The following SLC44A5 variants were observed in gnomAD, a reference collection of about 807,000 sequenced individuals.
The protein encoded by SLC44A5 is solute carrier family 44 member 5.
Under a neutral mutation model 101.8 loss-of-function variants are expected in SLC44A5, and 57 were observed. The ratio of observed to expected loss-of-function variants is 0.56; its 90% confidence interval spans 0.45 to 0.70. SLC44A5 has a LOEUF of 0.70. SLC44A5 is among the 30% of genes least tolerant of loss of function. SLC44A5 has a pLI of 0.00. For synonymous variants in SLC44A5, 281 were observed against 290.9 expected (o/e 0.97, Z 0.35); for missense variants, 737 against 853.1 (o/e 0.86, Z 1.70).
At chr1:75,289,739 G>A (rs1653377339) in intron 5 of SLC44A5, among the ~76,000 whole-genome samples, 1 of 152,172 alleles carries the variant, frequency 6.6e-6, no homozygotes, top group Non-Finnish European at 1.5e-5. Flanking sequence ...CGGCTGTGGA[G>A]GATCTCTTAG....
chr1:75,277,246 T>C (rs1004490020), intron 5 of SLC44A5, among the ~76,000 whole-genome samples: 1 of 152,096 alleles, frequency 6.6e-6, no homozygotes, highest in African/African-American at 2.4e-5. Flanking sequence ...ATTGAGGAAA[T>C]AGTATAATAA....
At chr1:75,301,355 T>C (rs1156914131) in intron 4 of SLC44A5, among the ~76,000 whole-genome samples, 2 of 152,184 alleles carry the variant, frequency 1.3e-5, no homozygotes, top group Admixed American at 1.3e-4. Context: ...TACTCAAGGT[T>C]TTCAACTAAA....
chr1:75,583,912 GGCC>G (rs1673847318), intron 1 of SLC44A5, among the ~76,000 whole-genome samples: 1 of 152,112 alleles, frequency 6.6e-6, no homozygotes, highest in Admixed American at 6.5e-5. Context: ...TTGGTGGTCC[GGCC>G]AATTTTCAGT....
At chr1:75,368,642 T>C (rs1296493549) in intron 3 of SLC44A5, among the ~76,000 whole-genome samples, 1 of 130,756 alleles carries the variant, frequency 7.6e-6, no homozygotes, top group Non-Finnish European at 1.6e-5. Flanking sequence ...AAAATGTGCA[T>C]GCACACACAC....
chr1:75,213,908 T>A lies in SLC44A5; in HGVS notation c.1873+11A>T, dbSNP rs773244058. The A allele has an allele frequency of 1.3e-6, 2 of 1,561,862 alleles. No individual in the cohort carries two copies. Among genetic ancestry groups the A allele is most frequent in the East Asian group, 4.5e-5 (2 of 44,588 alleles). The stretch of plus-strand genomic sequence containing the variant: ...ACTTTTTTTTTTATTATTTTCATCA[T>A]GATTACTTACCTATACTTCCAGCAA... On this transcript the variant is annotated intron_variant, in intron 21 of 23. Transcript: ENST00000370859.
chr1:75,206,354 T>C (rs1393863548), intron 23 of SLC44A5: 1 of 365,582 alleles, frequency 2.7e-6, no homozygotes, highest in Non-Finnish European at 4.9e-6. Flanking sequence ...ATAAAAGTTA[T>C]TAAAACACTC....
chr1:75,326,780 G>C (rs1420035311), intron 4 of SLC44A5, among the ~76,000 whole-genome samples: 3 of 152,058 alleles, frequency 2.0e-5, no homozygotes, highest in Non-Finnish European at 4.4e-5. Context: ...TTAAATTATG[G>C]ATAATCCATA....
the SLC44A5 span, among the ~76,000 whole-genome samples, chr1:75,678,294 C>T: frequency 1.3e-5 from 2 of 152,154 alleles, no homozygotes; most frequent in Admixed American, 6.5e-5. Flanking sequence ...TCTGTAGGCT[C>T]CACCTCTGGG....
At chr1:75,270,225 A>T (rs1651355751) in intron 6 of SLC44A5, among the ~76,000 whole-genome samples, 1 of 152,138 alleles carries the variant, frequency 6.6e-6, no homozygotes, top group Non-Finnish European at 1.5e-5. Context: ...ATTGACTAAA[A>T]TCTTGCATTT....
the SLC44A5 span, among the ~76,000 whole-genome samples, chr1:75,661,405 A>C: frequency 1.3e-5 from 2 of 149,272 alleles, no homozygotes; most frequent in African/African-American, 2.4e-5. Flanking sequence ...AAAAAAAAAA[A>C]AAAAAAAAAA....
chr1:75,684,609 A>C, the SLC44A5 span, among the ~76,000 whole-genome samples: 1 of 152,226 alleles, frequency 6.6e-6, no homozygotes, highest in Non-Finnish European at 1.5e-5. Flanking sequence ...CAGGGTATTC[A>C]AATCTTAAAG....
At chr1:75,295,402 G>C (rs1476411972) in intron 5 of SLC44A5, among the ~76,000 whole-genome samples, 1 of 152,168 alleles carries the variant, frequency 6.6e-6, no homozygotes, top group African/African-American at 2.4e-5. Context: ...CTTGCTTTAA[G>C]AGAAGGAAGA....
At chr1:75,464,221 CAA>C (rs57630961) in intron 2 of SLC44A5, among the ~76,000 whole-genome samples, 42 of 52,230 alleles carry the variant, frequency 8.0e-4, no homozygotes, top group African/African-American at 2.1e-3. Context: ...GACTCTGTCT[CAA>C]AAAAAAAAAA....
chr1:75,509,775 G>A (rs1269290495), intron 2 of SLC44A5, among the ~76,000 whole-genome samples: 1 of 152,202 alleles, frequency 6.6e-6, no homozygotes, highest in Non-Finnish European at 1.5e-5. Context: ...CCACAGTCTA[G>A]TGAATGACGC....
chr1:75,211,814 C>CT (rs1553140825), intron 22 of SLC44A5, among the ~76,000 whole-genome samples: 2 of 146,668 alleles, frequency 1.4e-5, no homozygotes, highest in South Asian at 2.2e-4. Flanking sequence ...TTCCTTTCCC[C>CT]TTTCTTTTCT....
At chr1:75,365,501 C>T (rs1659792427) in intron 3 of SLC44A5, among the ~76,000 whole-genome samples, 1 of 152,112 alleles carries the variant, frequency 6.6e-6, no homozygotes, top group Non-Finnish European at 1.5e-5. Context: ...GATCTAGAGA[C>T]AGAAATGCCA....
chr1:75,206,972 G>A (rs547286830), intron 23 of SLC44A5, among the ~76,000 whole-genome samples: 84 of 152,236 alleles, frequency 5.5e-4, no homozygotes, highest in African/African-American at 2.0e-3. Flanking sequence ...TAAAGGCTAA[G>A]AAGATATTCT....
At chr1:75,668,326 T>C in the SLC44A5 span, among the ~76,000 whole-genome samples, 1 of 131,898 alleles carries the variant, frequency 7.6e-6, no homozygotes, top group East Asian at 2.1e-4. Flanking sequence ...TTTTTTTTTT[T>C]TTTTTTTTTT....
At chr1:75,499,588 T>G (rs114646031) in intron 2 of SLC44A5, among the ~76,000 whole-genome samples, 2,150 of 152,360 alleles carry the variant, frequency 0.014, 62 homozygotes, top group African/African-American at 0.049. Flanking sequence ...ATCCCCATTA[T>G]TAAACAATGC....
Sources: allele counts gnomAD v4.1 joint callset (sites outside exome capture counted in the v4.1 genomes callset), GRCh38; gene constraint gnomAD v4.1.1; transcripts MANE v1.5; gene names NCBI Gene and HGNC (gene_info 2026-07-23, HGNC 2026-07-21).